NTRK2: variants seen among roughly 807,000 people sequenced by gnomAD.
NTRK2 encodes the protein neurotrophic receptor tyrosine kinase 2.
Under a neutral mutation model 94.5 loss-of-function variants are expected in NTRK2, and 13 were observed. That is an observed-to-expected ratio of 0.14 (90% confidence interval 0.09 to 0.22). NTRK2 has a LOEUF of 0.22. NTRK2 is among the 10% of genes least tolerant of loss of function. NTRK2 has a pLI of 1.00. For synonymous variants in NTRK2, 372 were observed against 407.4 expected, an observed-to-expected ratio of 0.91 and a Z score of 1.05; for missense variants, 639 against 1,071.2, an observed-to-expected ratio of 0.60 and a Z score of 5.63.
intron 17 of NTRK2, 102 bp from the exon 18 acceptor site, chr9:85,020,104 A>G: frequency 8.0e-7 from 1 of 1,244,466 alleles, no homozygotes; most frequent in East Asian, 2.3e-5. Context: ...AATTAAAACT[A>G]TAAAGTGCAA....
intron 12 of NTRK2, chr9:84,812,337 C>T: frequency 9.4e-7 from 1 of 1,058,608 alleles, no homozygotes; most frequent in Non-Finnish European, 1.1e-6. Context: ...CACTTGGCTA[C>T]TTCATACCCA....
chr9:84,748,637 G>A (rs1302038874), intron 11 of NTRK2, among the ~76,000 whole-genome samples: 2 of 152,040 alleles, frequency 1.3e-5, no homozygotes, highest in African/African-American at 2.4e-5. Flanking sequence ...CATGGTTGGG[G>A]GACTTTCAGG....
intron 17 of NTRK2, among the ~76,000 whole-genome samples, chr9:85,001,461 G>C (rs1830336325): frequency 6.6e-6 from 1 of 152,284 alleles, no homozygotes; most frequent in Admixed American, 6.5e-5. Context: ...TTCCTTTGCA[G>C]TACACACAAG....
intron 17 of NTRK2, among the ~76,000 whole-genome samples, chr9:85,010,891 A>G (rs1831489342): frequency 6.6e-6 from 1 of 152,188 alleles, no homozygotes; most frequent in Non-Finnish European, 1.5e-5. Flanking sequence ...TGTGTACAGT[A>G]TACAAGCAGG....
At chr9:84,719,529 C>T (rs2061924262) in intron 6 of NTRK2, among the ~76,000 whole-genome samples, 1 of 151,996 alleles carries the variant, frequency 6.6e-6, no homozygotes, top group African/African-American at 2.4e-5. Flanking sequence ...CTCAGAATTT[C>T]CAAACTATTA....
At position 84,996,435 on chromosome 9, in the gene NTRK2, A is replaced by G. The variant is rs531423070; in HGVS notation, c.2173-23771A>G. Among the ~76,000 whole-genome samples, 5 of 152,380 alleles carry G rather than the reference A, an allele frequency of 3.3e-5. No individual in the cohort carries two copies. In the East Asian group the frequency reaches 7.7e-4, roughly 24 times the overall value. The stretch of plus-strand genomic sequence containing the variant: ...ACGCCGTGGGCAGAGCACAGATGCC[A>G]GTGGCAAGTCACTTAAAGCTCAGCT... On this transcript the variant is annotated intron_variant, in intron 17 of 18. Coordinates refer to ENST00000277120, the MANE Select transcript of NTRK2 (RefSeq NM_006180.6).
intron 14 of NTRK2, among the ~76,000 whole-genome samples, chr9:84,882,717 T>TGCGCGC (rs1010534010): frequency 1.3e-4 from 18 of 143,942 alleles, no homozygotes; most frequent in African/African-American, 4.0e-4. Flanking sequence ...TGTGTGTGTG[T>TGCGCGC]GTGCGCGCGC....
At chr9:84,925,034 C>T (rs1029855246) in intron 14 of NTRK2, among the ~76,000 whole-genome samples, 12 of 152,128 alleles carry the variant, frequency 7.9e-5, no homozygotes, top group East Asian at 1.9e-4. Flanking sequence ...CTTGCTCCTT[C>T]GGTGCCCCAG....
At chr9:84,811,909 A>AACCCC in intron 12 of NTRK2, 1 of 629,966 alleles carries the variant, frequency 1.6e-6, no homozygotes, top group South Asian at 7.5e-5. Flanking sequence ...GGCTATCCCC[A>AACCCC]CCCCACCCCA....
Position 84,702,151 on chromosome 9 carries a change from TG to T in NTRK2, c.213-7del, listed in dbSNP as rs753734875. On this transcript the variant is annotated splice_region_variant and splice_polypyrimidine_tract_variant and intron_variant, in intron 2 of 18. Coordinates refer to ENST00000277120, the MANE Select transcript of NTRK2 (RefSeq NM_006180.6). ...AGTCACTGCGATTCACTCTCTGCTT[TG>T]TTACAGTTTCATCGCAAACCAGAAA... 1.3e-4 allele frequency: 206 copies of T among 1,613,416 alleles called. No homozygotes were observed. The East Asian group carries it at 3.5e-3, about 28-fold the overall frequency.
intron 12 of NTRK2, among the ~76,000 whole-genome samples, chr9:84,785,939 C>A (rs137964060): frequency 0.015 from 2,316 of 152,256 alleles, 20 homozygotes; most frequent in Middle Eastern, 0.034. Flanking sequence ...AAGCGCCATG[C>A]TATCAGAGCC....
At chr9:84,927,936 G>A (rs2077881538) in intron 14 of NTRK2, among the ~76,000 whole-genome samples, 1 of 152,196 alleles carries the variant, frequency 6.6e-6, no homozygotes, top group Admixed American at 6.5e-5. Context: ...TAACTGAGGT[G>A]TCATCTGTAA....
intron 12 of NTRK2, among the ~76,000 whole-genome samples, chr9:84,786,106 A>G (rs1232463503): frequency 1.3e-5 from 2 of 152,224 alleles, no homozygotes; most frequent in Non-Finnish European, 2.9e-5. Context: ...ATGAGCCTGC[A>G]GTCCCTTATG....
chr9:84,993,818 C>A (rs1047979358), intron 17 of NTRK2, among the ~76,000 whole-genome samples: 1 of 152,268 alleles, frequency 6.6e-6, no homozygotes, highest in Non-Finnish European at 1.5e-5. Flanking sequence ...GTCGCAGGAC[C>A]TTTGCACATG....
intron 17 of NTRK2, among the ~76,000 whole-genome samples, chr9:85,010,464 T>C (rs1039416421): frequency 6.6e-6 from 1 of 152,194 alleles, no homozygotes; most frequent in African/African-American, 2.4e-5. Flanking sequence ...CTCGGTAACA[T>C]TGAACATTTT....
At chr9:84,982,332 C>T (rs1443940209) in intron 17 of NTRK2, among the ~76,000 whole-genome samples, 1 of 152,188 alleles carries the variant, frequency 6.6e-6, no homozygotes, top group Non-Finnish European at 1.5e-5. Flanking sequence ...AGGATCTTGA[C>T]TCTAGATTAT....
At chr9:84,941,907 A>T (rs1373609337) in intron 15 of NTRK2, among the ~76,000 whole-genome samples, 1 of 152,238 alleles carries the variant, frequency 6.6e-6, no homozygotes, top group African/African-American at 2.4e-5. Flanking sequence ...ATCAGAACTT[A>T]ACCTCCTGTT....
At chr9:85,004,063 G>GAAAGAAAGAAAGAAAA (rs1830672008) in intron 17 of NTRK2, among the ~76,000 whole-genome samples, 2 of 65,726 alleles carry the variant, frequency 3.0e-5, no homozygotes, top group Admixed American at 3.1e-4. Context: ...GAGAAAGAAA[G>GAAAGAAAGAAAGAAAA]GAGAGAGAGA....
intron 6 of NTRK2, among the ~76,000 whole-genome samples, chr9:84,721,064 C>T (rs1213922840): frequency 2.0e-5 from 3 of 152,094 alleles, no homozygotes; most frequent in South Asian, 2.1e-4. Flanking sequence ...GTACATATAA[C>T]GGTGTTGCAA....
Sources: allele counts gnomAD v4.1 joint callset (sites outside exome capture counted in the v4.1 genomes callset), GRCh38; gene constraint gnomAD v4.1.1; transcripts MANE v1.5; gene names NCBI Gene and HGNC (gene_info 2026-07-23, HGNC 2026-07-21).